Variants in MYH15 observed in about 807,000 individuals in gnomAD.
MYH15 encodes the protein myosin heavy chain 15.
A neutral mutation model predicts 240.5 loss-of-function variants in MYH15; 227 were observed. That is an observed-to-expected ratio of 0.94 (90% CI 0.85 to 1.05). The LOEUF is 1.05. Ranked by LOEUF, MYH15 falls within the 50% of genes least tolerant of loss-of-function variation. MYH15 has a pLI of 0.00. For synonymous variants in MYH15, 785 were observed against 796.7 expected, an observed-to-expected ratio of 0.99 and a Z score of 0.25; for missense variants, 2,217 against 2,247.5, an observed-to-expected ratio of 0.99 and a Z score of 0.27.
At chr3:108,508,744 T>C (rs2083498707) in intron 1 of MYH15, among the ~76,000 whole-genome samples, 1 of 152,176 alleles carries the variant, frequency 6.6e-6, no homozygotes, top group Non-Finnish European at 1.5e-5. Flanking sequence ...TTCAGTCTTA[T>C]AGTTATTTTA....
At chr3:108,428,458 C>A in intron 27 of MYH15, 34 bp downstream of exon 27, 1 of 1,568,616 alleles carries the variant, frequency 6.4e-7, no homozygotes, top group Non-Finnish European at 8.6e-7. Context: ...CTTCCATGTT[C>A]AGAAGACCAC....
rs1050509802 is a variant in MYH15 at position 108,495,718 on chromosome 3, A to G, written c.711+62T>C. 12 of 1,326,246 alleles carry G rather than the reference A, an allele frequency of 9.0e-6. No homozygotes were observed. In the African/African-American group the frequency reaches 1.0e-4, roughly 11 times the overall value. 82.2% of individuals were successfully genotyped at this position (1,326,246 alleles called of 1,614,324 possible). ...TTTTTTCATACCTATGTGCTTACAT[A>G]TAAGTTTTACCATTGCTTACAAATT... On this transcript the variant is annotated intron_variant, in intron 7 of 40. Transcript: ENST00000693548.
chr3:108,507,375 G>A (rs1000725963), intron 1 of MYH15, among the ~76,000 whole-genome samples: 4 of 151,480 alleles, frequency 2.6e-5, no homozygotes, highest in African/African-American at 9.7e-5. Flanking sequence ...GAGGGAAAAT[G>A]TTAGCCAATG....
intron 38 of MYH15, 45 bp from the exon 39 acceptor site, chr3:108,384,827 G>T: frequency 6.5e-7 from 1 of 1,542,856 alleles, no homozygotes; most frequent in Non-Finnish European, 8.9e-7. Flanking sequence ...AGAGGATCCA[G>T]CAGTCTACGT....
chr3:108,462,761 T>G (rs1451137690), intron 16 of MYH15, among the ~76,000 whole-genome samples: 1 of 152,042 alleles, frequency 6.6e-6, no homozygotes, highest in African/African-American at 2.4e-5. Flanking sequence ...TCTAAGATAT[T>G]TGGGGCAATA....
intron 18 of MYH15, among the ~76,000 whole-genome samples, chr3:108,458,061 T>A (rs796303910): frequency 1.7e-4 from 26 of 151,640 alleles, no homozygotes; most frequent in African/African-American, 5.8e-4. Context: ...TTATTTTTTT[T>A]AAAAAAGGGA....
chr3:108,476,300 T>C (rs1050666907), intron 12 of MYH15, 97 bp downstream of exon 12: 25 of 727,046 alleles, frequency 3.4e-5, no homozygotes, highest in Admixed American at 5.2e-5. Context: ...GCTTTCATTA[T>C]TGCAAACATC....
intron 28 of MYH15, 42 bp from the exon 29 acceptor site, chr3:108,416,972 T>C (rs1335130880): frequency 1.4e-6 from 2 of 1,445,238 alleles, no homozygotes; most frequent in Admixed American, 3.4e-5. Context: ...ACAGTCTTCC[T>C]ATCTATTGCC....
At chr3:108,510,681 G>C, upstream of MYH15, 1 of 1,260,212 alleles carries the variant, frequency 7.9e-7, no homozygotes, top group Non-Finnish European at 1.1e-6. Flanking sequence ...ACTAAAGAGT[G>C]TTAAGTTTTC....
At chr3:108,505,211 T>C (rs2083466014) in intron 2 of MYH15, among the ~76,000 whole-genome samples, 1 of 152,180 alleles carries the variant, frequency 6.6e-6, no homozygotes, top group Non-Finnish European at 1.5e-5. Context: ...CTGGCAATTG[T>C]TTTACTCTGA....
intron 27 of MYH15, among the ~76,000 whole-genome samples, chr3:108,425,534 T>A (rs1448159201): frequency 6.6e-6 from 1 of 152,184 alleles, no homozygotes; most frequent in Non-Finnish European, 1.5e-5. Flanking sequence ...TGGTAAAAAC[T>A]GACCTGCTGC....
At chr3:108,454,624 T>A (rs2083004414) in intron 20 of MYH15, among the ~76,000 whole-genome samples, 1 of 152,206 alleles carries the variant, frequency 6.6e-6, no homozygotes, top group Non-Finnish European at 1.5e-5. Context: ...GGGCCATATA[T>A]TAAAAAAACA....
At chr3:108,398,057 G>C (rs532406011) in intron 35 of MYH15, among the ~76,000 whole-genome samples, 3 of 152,158 alleles carry the variant, frequency 2.0e-5, no homozygotes, top group Non-Finnish European at 4.4e-5. Context: ...TCTGGAAATA[G>C]GGTCTTATTT....
At chr3:108,523,067 G>A (rs1559676728) in intron 1 of MYH15, among the ~76,000 whole-genome samples, 1 of 152,006 alleles carries the variant, frequency 6.6e-6, no homozygotes, top group Non-Finnish European at 1.5e-5. Flanking sequence ...TTTCATACTT[G>A]TTACAATGTA....
At chr3:108,435,116 T>C (rs2107564523) in intron 25 of MYH15, among the ~76,000 whole-genome samples, 1 of 152,346 alleles carries the variant, frequency 6.6e-6, no homozygotes. Flanking sequence ...TTATATTTGT[T>C]ACAAATTTTT....
chr3:108,511,152 C>G (rs915324588), upstream of MYH15, among the ~76,000 whole-genome samples: 6 of 151,770 alleles, frequency 4.0e-5, no homozygotes, highest in African/African-American at 1.5e-4. Context: ...CTAATTACCC[C>G]CAAGCAGACA....
intron 25 of MYH15, among the ~76,000 whole-genome samples, chr3:108,432,884 G>A (rs1256462518): frequency 2.0e-5 from 3 of 152,324 alleles, no homozygotes; most frequent in African/African-American, 7.2e-5. Context: ...GGGCCCTCAT[G>A]GAGAACCTCT....
intron 20 of MYH15, among the ~76,000 whole-genome samples, chr3:108,454,838 C>G (rs1014339244): frequency 3.3e-5 from 5 of 152,164 alleles, no homozygotes; most frequent in Non-Finnish European, 7.4e-5. Context: ...GCCTTTCAAC[C>G]TCACTTGCCC....
chr3:108,423,664 A>T (rs1365573794), intron 27 of MYH15, among the ~76,000 whole-genome samples: 5 of 152,252 alleles, frequency 3.3e-5, no homozygotes, highest in Admixed American at 3.3e-4. Context: ...GATATCTCTC[A>T]AAAGTTCAGA....
Sources: allele counts gnomAD v4.1 joint callset (sites outside exome capture counted in the v4.1 genomes callset), GRCh38; gene constraint gnomAD v4.1.1; transcripts MANE v1.5; gene names NCBI Gene and HGNC (gene_info 2026-07-23, HGNC 2026-07-21).